The following GNA14 variants were observed in gnomAD, a reference collection of about 807,000 sequenced individuals.
GNA14 encodes the protein guanine nucleotide-binding protein subunit alpha-14.
Under a neutral mutation model 42.0 loss-of-function variants are expected in GNA14, and 50 were observed. That is an observed-to-expected ratio of 1.19 (90% CI 0.95 to 1.51). GNA14 has a LOEUF of 1.51. GNA14 is among the 40% of genes most tolerant of loss of function. GNA14 has a pLI of 0.00. For synonymous variants in GNA14, 173 were observed against 163.1 expected, an observed-to-expected ratio of 1.06 and a Z score of -0.46; for missense variants, 473 against 446.2, an observed-to-expected ratio of 1.06 and a Z score of -0.54.
chr9:77,570,222 T>C (rs999071175), intron 1 of GNA14, among the ~76,000 whole-genome samples: 7 of 152,240 alleles, frequency 4.6e-5, no homozygotes, highest in African/African-American at 1.7e-4. Flanking sequence ...AACAGCTTTA[T>C]TGAAATATAA....
chr9:77,431,424 C>A lies in GNA14; in HGVS notation c.490G>T (p.Ala164Ser). 1.2e-6 allele frequency: 2 copies of A among 1,613,256 alleles called. No homozygotes were observed. Among genetic ancestry groups the A allele is most frequent in the African/African-American group, 2.7e-5 (2 of 74,982 alleles). Residue 164 changes from alanine to serine, a missense_variant, in exon 4 of 7, where the codon GCC becomes TCC. Coordinates refer to ENST00000341700, the MANE Select transcript of GNA14 (RefSeq NM_004297.4). ...KYYLTDIDRIATPSFVPTQQD... is the reference protein window; with the variant it reads ...KYYLTDIDRISTPSFVPTQQD... The stretch of plus-strand genomic sequence containing the variant: ...TGGGTAGGCACGAATGATGGTGTGG[C>A]GATGCGGTCAATGTCAGTCAGGTAA...
chr9:77,514,473 G>C lies in GNA14; in HGVS notation c.309+14596C>G, dbSNP rs573966834. 1.1e-4 allele frequency among the ~76,000 whole-genome samples: 17 copies of C among 152,292 alleles called. No homozygotes were observed. The South Asian group carries it at 1.9e-3, about 17-fold the overall frequency. Reference sequence around the variant, plus strand: ...TCAAAGAACTCTTGGTCTGAAGTGGGAGAGATGCATAAATTAAGAATTATA... The same window carrying C: ...TCAAAGAACTCTTGGTCTGAAGTGGCAGAGATGCATAAATTAAGAATTATA... On this transcript the variant is annotated intron_variant, in intron 2 of 6. Transcript: ENST00000341700.
intron 2 of GNA14, among the ~76,000 whole-genome samples, chr9:77,451,885 A>T (rs549992176): frequency 3.3e-5 from 5 of 152,322 alleles, no homozygotes; most frequent in African/African-American, 1.2e-4. Context: ...TTCCTGTCAA[A>T]AAATCCCAAC....
At chr9:77,510,986 T>C (rs1424580831) in intron 2 of GNA14, among the ~76,000 whole-genome samples, 1 of 151,836 alleles carries the variant, frequency 6.6e-6, no homozygotes, top group African/African-American at 2.4e-5. Flanking sequence ...TCTCTCCATA[T>C]TAGAGTTGCC....
intron 1 of GNA14, among the ~76,000 whole-genome samples, chr9:77,640,580 T>A (rs148281931): frequency 6.6e-6 from 1 of 152,272 alleles, no homozygotes; most frequent in African/African-American, 2.4e-5. Context: ...TTTTTCCACT[T>A]TATATCTGCC....
At chr9:77,597,847 A>G (rs147583585) in intron 1 of GNA14, among the ~76,000 whole-genome samples, 7,690 of 151,966 alleles carry the variant, frequency 0.051, 684 homozygotes, top group African/African-American at 0.18. Flanking sequence ...AGATCACTTG[A>G]GGTCAGGAGT....
intron 1 of GNA14, among the ~76,000 whole-genome samples, chr9:77,644,229 T>C (rs555830740): frequency 3.8e-4 from 57 of 150,448 alleles, no homozygotes; most frequent in African/African-American, 1.3e-3. Flanking sequence ...CTTTGGGAGG[T>C]TGAGGCAGAG....
At chr9:77,580,024 C>T (rs1019600792) in intron 1 of GNA14, among the ~76,000 whole-genome samples, 7 of 152,174 alleles carry the variant, frequency 4.6e-5, no homozygotes, top group African/African-American at 1.2e-4. Flanking sequence ...GAAATATTCC[C>T]GGCCCACTTG....
At chr9:77,558,338 G>C (rs1822823647) in intron 1 of GNA14, among the ~76,000 whole-genome samples, 2 of 152,098 alleles carry the variant, frequency 1.3e-5, no homozygotes. Flanking sequence ...ATGGCAAAAT[G>C]TTGACAGTTA....
chr9:77,445,156 G>A (rs776681283), intron 2 of GNA14, among the ~76,000 whole-genome samples: 8 of 152,280 alleles, frequency 5.3e-5, no homozygotes, highest in African/African-American at 1.2e-4. Flanking sequence ...TTCCCTTTTC[G>A]CTGCCACGAA....
chr9:77,641,204 T>G (rs1824262934), intron 1 of GNA14, among the ~76,000 whole-genome samples: 2 of 149,116 alleles, frequency 1.3e-5, no homozygotes, highest in Admixed American at 6.7e-5. Context: ...TGCAGTAGAA[T>G]GTCAAATGCC....
chr9:77,507,882 CTAACTTTT>C (rs1375929123), intron 2 of GNA14, among the ~76,000 whole-genome samples: 1 of 152,090 alleles, frequency 6.6e-6, no homozygotes, highest in Non-Finnish European at 1.5e-5. Flanking sequence ...CCATGCCCAG[CTAACTTTT>C]TATATTTTCA....
chr9:77,541,400 T>C (rs2120395), intron 1 of GNA14, among the ~76,000 whole-genome samples: 66,509 of 152,104 alleles, frequency 0.44, 16,518 homozygotes, highest in Admixed American at 0.55. Context: ...ATGAGAAGTC[T>C]GCTGTTAGTC....
At chr9:77,636,143 A>T (rs985618786) in intron 1 of GNA14, among the ~76,000 whole-genome samples, 3 of 152,192 alleles carry the variant, frequency 2.0e-5, no homozygotes, top group African/African-American at 7.2e-5. Flanking sequence ...TAGTAATATA[A>T]TTAACATATT....
intron 1 of GNA14, among the ~76,000 whole-genome samples, chr9:77,618,167 A>C (rs1023607810): frequency 2.6e-4 from 40 of 152,032 alleles, no homozygotes; most frequent in Non-Finnish European, 4.4e-5. Flanking sequence ...AACAAAACCC[A>C]CTAAAGCATG....
intron 1 of GNA14, among the ~76,000 whole-genome samples, chr9:77,592,717 CTG>C (rs964393017): frequency 3.9e-5 from 6 of 152,178 alleles, no homozygotes; most frequent in African/African-American, 1.2e-4. Context: ...CTTGATTTTT[CTG>C]TGTTATAAGT....
chr9:77,614,296 C>A (rs987093514), intron 1 of GNA14, among the ~76,000 whole-genome samples: 4 of 152,274 alleles, frequency 2.6e-5, no homozygotes, highest in African/African-American at 9.6e-5. Context: ...ATCACTTCCA[C>A]CCACATCCCA....
intron 1 of GNA14, among the ~76,000 whole-genome samples, chr9:77,594,440 T>C (rs1823434048): frequency 6.6e-6 from 1 of 152,192 alleles, no homozygotes; most frequent in African/African-American, 2.4e-5. Flanking sequence ...GGTCTCCAGC[T>C]GGCCCTAAAT....
intron 1 of GNA14, among the ~76,000 whole-genome samples, chr9:77,535,595 C>G (rs1837585927): frequency 6.6e-6 from 1 of 152,120 alleles, no homozygotes; most frequent in Non-Finnish European, 1.5e-5. Flanking sequence ...ATGAGAGAAT[C>G]AGCTAATGCT....
Sources: gnomAD v4.1 joint callset for allele counts (sites outside exome capture counted in the v4.1 genomes callset) on GRCh38, gnomAD v4.1.1 for gene constraint, MANE v1.5 for transcripts, NCBI Gene and HGNC (gene_info 2026-07-23, HGNC 2026-07-21) for gene names.